ATRNL1: variants seen among roughly 807,000 people sequenced by gnomAD.
ATRNL1 encodes attractin-like protein 1.
Under a neutral mutation model 182.7 loss-of-function variants are expected in ATRNL1, and 95 were observed. The observed-to-expected ratio is 0.52, with a 90% CI of 0.44 to 0.62. The LOEUF (loss-of-function observed/expected upper bound fraction) is 0.62, where lower values mean the gene tolerates loss of function less well. Among genes scored for constraint, ATRNL1 ranks in the 20% least tolerant of loss-of-function variants. The probability of loss-of-function intolerance (pLI) is 0.00; values close to 1 mark genes in which losing one functional copy is unlikely to be tolerated. For missense variants in ATRNL1, 1,471 were observed against 1,679.5 expected, an observed-to-expected ratio of 0.88 and a Z score of 2.17; for synonymous variants, 576 against 568.3, an observed-to-expected ratio of 1.01 and a Z score of -0.19.
chr10:115,312,086 C>T (rs1854064240), intron 17 of ATRNL1, among the ~76,000 whole-genome samples: 2 of 152,000 alleles, frequency 1.3e-5, no homozygotes, highest in African/African-American at 4.8e-5. Flanking sequence ...TTATGTGGAG[C>T]ATTTATACCA....
At chr10:115,895,791 T>C (rs1319224013) in intron 28 of ATRNL1, among the ~76,000 whole-genome samples, 1 of 152,200 alleles carries the variant, frequency 6.6e-6, no homozygotes, top group Non-Finnish European at 1.5e-5. Flanking sequence ...AAGAGTGATG[T>C]GCAGAAGAGG....
intron 25 of ATRNL1, among the ~76,000 whole-genome samples, chr10:115,519,579 C>A (rs1850813046): frequency 6.6e-6 from 1 of 152,054 alleles, no homozygotes; most frequent in African/African-American, 2.4e-5. Flanking sequence ...TTGTGTCCCC[C>A]ATCACATAAA....
At chr10:115,845,414 A>G (rs1589595521) in intron 27 of ATRNL1, among the ~76,000 whole-genome samples, 2 of 152,002 alleles carry the variant, frequency 1.3e-5, no homozygotes, top group African/African-American at 4.8e-5. Flanking sequence ...CACTGTCCTT[A>G]TTTGTTGCTA....
At chr10:115,600,285 G>C (rs550414099) in intron 26 of ATRNL1, among the ~76,000 whole-genome samples, 4 of 151,956 alleles carry the variant, frequency 2.6e-5, no homozygotes, top group Non-Finnish European at 5.9e-5. Context: ...ACAATTTCTG[G>C]ATTTTACTGT....
chr10:115,771,258 T>C (rs1157093296), intron 27 of ATRNL1, among the ~76,000 whole-genome samples: 5 of 146,048 alleles, frequency 3.4e-5, no homozygotes, highest in African/African-American at 1.3e-4. Context: ...TGAGACAGAG[T>C]CTCACTCTTT....
intron 19 of ATRNL1, among the ~76,000 whole-genome samples, chr10:115,354,432 C>G (rs986568657): frequency 2.0e-5 from 3 of 151,990 alleles, no homozygotes; most frequent in African/African-American, 7.2e-5. Flanking sequence ...ATTTCTCCTC[C>G]ATATTGAAGG....
chr10:115,567,952 G>A (rs1854163342), intron 26 of ATRNL1, among the ~76,000 whole-genome samples: 1 of 152,068 alleles, frequency 6.6e-6, no homozygotes. Context: ...GTGGTAGCCT[G>A]AGTACTGTCA....
chr10:115,861,300 T>C (rs1172403519), intron 28 of ATRNL1, among the ~76,000 whole-genome samples: 1 of 152,172 alleles, frequency 6.6e-6, no homozygotes, highest in East Asian at 1.9e-4. Flanking sequence ...CCAGGCGAGC[T>C]AAGGGCAGGG....
intron 8 of ATRNL1, among the ~76,000 whole-genome samples, chr10:115,186,672 A>T (rs1847953267): frequency 6.6e-6 from 1 of 152,128 alleles, no homozygotes; most frequent in African/African-American, 2.4e-5. Flanking sequence ...AGATAGAAAA[A>T]TGATGGTTAC....
chr10:115,660,986 G>C (rs1294058178), intron 26 of ATRNL1, among the ~76,000 whole-genome samples: 4 of 152,066 alleles, frequency 2.6e-5, no homozygotes, highest in Non-Finnish European at 5.9e-5. Flanking sequence ...ATTAGATTCA[G>C]ATTTAGGGGA....
At chr10:115,708,494 A>G (rs951830141) in intron 26 of ATRNL1, among the ~76,000 whole-genome samples, 1 of 151,792 alleles carries the variant, frequency 6.6e-6, no homozygotes, top group East Asian at 1.9e-4. Context: ...TTGAAAATTT[A>G]TAAACTCTTT....
intron 24 of ATRNL1, among the ~76,000 whole-genome samples, chr10:115,499,161 A>G (rs1433663152): frequency 6.6e-6 from 1 of 152,140 alleles, no homozygotes; most frequent in East Asian, 1.9e-4. Context: ...TTATCTTGTC[A>G]TTTTAAAGGT....
chr10:115,452,635 C>T (rs1049962075), intron 21 of ATRNL1, among the ~76,000 whole-genome samples: 2 of 152,064 alleles, frequency 1.3e-5, no homozygotes, highest in Admixed American at 6.6e-5. Flanking sequence ...AAACCATCAG[C>T]ACAATCAAGA....
chr10:115,478,394 G>A (rs782734616), intron 24 of ATRNL1, among the ~76,000 whole-genome samples: 1 of 151,646 alleles, frequency 6.6e-6, no homozygotes, highest in Non-Finnish European at 1.5e-5. Flanking sequence ...GTAGGTCTTA[G>A]GTTTTTCTAG....
chr10:115,798,888 G>A (rs185108704), intron 27 of ATRNL1, among the ~76,000 whole-genome samples: 396 of 147,036 alleles, frequency 2.7e-3, no homozygotes, highest in Non-Finnish European at 4.3e-3. Context: ...GTGCAGTGGC[G>A]CGATCTCAGC....
At chr10:115,536,906 C>T (rs558675542) in intron 25 of ATRNL1, among the ~76,000 whole-genome samples, 18 of 152,064 alleles carry the variant, frequency 1.2e-4, no homozygotes, top group African/African-American at 4.3e-4. Context: ...AGAATATTTG[C>T]CAAAAAGTTT....
chr10:115,886,170 A>G (rs550596022), intron 28 of ATRNL1, among the ~76,000 whole-genome samples: 78 of 152,316 alleles, frequency 5.1e-4, no homozygotes, highest in African/African-American at 1.8e-3. Context: ...AAATAGCAAA[A>G]AGCAGTGGCA....
intron 9 of ATRNL1, among the ~76,000 whole-genome samples, chr10:115,239,215 CTA>C (rs1352796874): frequency 6.6e-6 from 1 of 151,832 alleles, no homozygotes; most frequent in African/African-American, 2.4e-5. Flanking sequence ...AAATTAGAGA[CTA>C]GAGATTATTT....
intron 25 of ATRNL1, among the ~76,000 whole-genome samples, chr10:115,540,774 G>GAAC (rs1852312172): frequency 1.4e-5 from 1 of 70,754 alleles, no homozygotes; most frequent in South Asian, 3.3e-4. Context: ...AAAAAAAAAG[G>GAAC]GGGGAGGGAA....
Sources: gnomAD v4.1 joint callset for allele counts (sites outside exome capture counted in the v4.1 genomes callset) on GRCh38, gnomAD v4.1.1 for gene constraint, MANE v1.5 for transcripts, NCBI Gene and HGNC (gene_info 2026-07-23, HGNC 2026-07-21) for gene names.